The following ZNF536 variants were observed in gnomAD, a reference collection of about 807,000 sequenced individuals.
ZNF536 encodes the protein zinc finger protein 536.
Under a neutral mutation model 84.5 loss-of-function variants are expected in ZNF536, and 13 were observed. The ratio of observed to expected loss-of-function variants is 0.15; its 90% CI spans 0.10 to 0.24. The LOEUF is 0.24. Among genes scored for constraint, ZNF536 ranks in the 10% least tolerant of loss-of-function variants. ZNF536 has a pLI of 1.00. For missense variants in ZNF536, 1,536 were observed against 1,747.5 expected (o/e 0.88, Z 2.16); for synonymous variants, 811 against 742.5 (o/e 1.09, Z -1.50).
intron 2 of ZNF536, among the ~76,000 whole-genome samples, chr19:30,496,361 A>C (rs1161916295): frequency 6.6e-6 from 1 of 152,138 alleles, no homozygotes; most frequent in Admixed American, 6.5e-5. Flanking sequence ...CTCCACAAGC[A>C]GACATTGTCA....
intron 1 of ZNF536, among the ~76,000 whole-genome samples, chr19:30,599,786 A>G (rs2047616652): frequency 6.6e-6 from 1 of 152,208 alleles, no homozygotes. Context: ...ACATTTGTCT[A>G]GGTTTTCCCT....
At chr19:30,310,930 C>T (rs539665834) in intron 2 of ZNF536, among the ~76,000 whole-genome samples, 3 of 152,338 alleles carry the variant, frequency 2.0e-5, no homozygotes, top group Non-Finnish European at 4.4e-5. Flanking sequence ...CTGATGTGAG[C>T]CCTCCTGGGC....
intron 3 of ZNF536, among the ~76,000 whole-genome samples, chr19:30,359,850 C>A (rs895378978): frequency 1.3e-5 from 2 of 152,202 alleles, no homozygotes; most frequent in Non-Finnish European, 2.9e-5. Context: ...TTTCTCTGGG[C>A]TGCAACTGGA....
At position 30,703,679 on chromosome 19, in the gene ZNF536, G is replaced by A. The variant is rs910697881; in HGVS notation, c.170-7078G>A. Among the ~76,000 whole-genome samples, 13 of 152,286 alleles carry A rather than the reference G, an allele frequency of 8.5e-5. 1 individual carries two copies. In the South Asian group the frequency reaches 1.0e-3, roughly 12 times the overall value. On this transcript the variant is annotated intron_variant, in intron 1 of 1. Coordinates refer to the ZNF536 transcript ENST00000592773. ...CACTTGCTAAGTCAGTACTTTCGATGAAGAACCAGGCAGAGCTTCCCCTGA... is the reference window on the plus strand; with the variant it reads ...CACTTGCTAAGTCAGTACTTTCGATAAAGAACCAGGCAGAGCTTCCCCTGA...
intron 1 of ZNF536, among the ~76,000 whole-genome samples, chr19:30,241,844 C>T (rs954504709): frequency 1.3e-5 from 2 of 152,188 alleles, no homozygotes; most frequent in Non-Finnish European, 2.9e-5. Context: ...GAACTGAGGG[C>T]TGTGGGGACA....
At chr19:30,611,164 TA>T (rs1324390519) in intron 1 of ZNF536, among the ~76,000 whole-genome samples, 1 of 152,162 alleles carries the variant, frequency 6.6e-6, no homozygotes, top group African/African-American at 2.4e-5. Context: ...GGGGGTAGAA[TA>T]AGTGACCTGT....
chr19:30,443,454 T>C, intron 1 of ZNF536, 107 bp from the exon 2 acceptor site: 2 of 1,417,332 alleles, frequency 1.4e-6, no homozygotes, highest in African/African-American at 1.4e-5. Flanking sequence ...TTAGCATGAT[T>C]ATGTGTAGGT....
chr19:30,344,635 G>A (rs2047681866), intron 2 of ZNF536, among the ~76,000 whole-genome samples: 1 of 151,728 alleles, frequency 6.6e-6, no homozygotes, highest in South Asian at 2.1e-4. Flanking sequence ...AGCCCTCACT[G>A]AGCGAGTCCC....
intron 1 of ZNF536, among the ~76,000 whole-genome samples, chr19:30,653,474 G>A (rs919590225): frequency 2.6e-5 from 4 of 152,210 alleles, no homozygotes; most frequent in Admixed American, 6.5e-5. Context: ...TGACTTGTCC[G>A]ATATTACACT....
intron 1 of ZNF536, among the ~76,000 whole-genome samples, chr19:30,627,307 A>C (rs555226707): frequency 6.6e-6 from 1 of 151,918 alleles, no homozygotes. Context: ...CTCTACAAAA[A>C]AAAATAAGAA....
At position 30,536,548 on chromosome 19, in the gene ZNF536, G is replaced by A. The variant is rs117508525; in HGVS notation, c.2323+1549G>A. ...TTGCTGTCATTTCTATAACCCCAGGGTCTGCAAGGGCACTTTACACCCAGT... is the reference window on the plus strand; with the variant it reads ...TTGCTGTCATTTCTATAACCCCAGGATCTGCAAGGGCACTTTACACCCAGT... On this transcript the variant is annotated intron_variant, in intron 3 of 4. Transcript: ENST00000355537. Among the ~76,000 whole-genome samples, 891 of 152,300 alleles carry A rather than the reference G, an allele frequency of 5.9e-3. 9 individuals carry two copies. Among genetic ancestry groups the A allele is most frequent in the Non-Finnish European group, 7.6e-3 (518 of 68,028 alleles).
At chr19:30,423,746 C>G (rs2051084371) in intron 1 of ZNF536, among the ~76,000 whole-genome samples, 1 of 152,164 alleles carries the variant, frequency 6.6e-6, no homozygotes, top group Non-Finnish European at 1.5e-5. Context: ...GGCAGGGCTC[C>G]CTCCCGGGGG....
chr19:30,493,445 T>C (rs561605560), intron 2 of ZNF536, among the ~76,000 whole-genome samples: 1 of 152,244 alleles, frequency 6.6e-6, no homozygotes, highest in Admixed American at 6.5e-5. Context: ...ATTTACTTTT[T>C]GTTGTTTTAC....
chr19:30,323,033 A>G (rs2046908824), intron 2 of ZNF536, among the ~76,000 whole-genome samples: 1 of 152,186 alleles, frequency 6.6e-6, no homozygotes, highest in African/African-American at 2.4e-5. Context: ...AAGCAAAGCC[A>G]AGACCCTGGG....
At chr19:30,616,406 T>C (rs2048295877) in intron 1 of ZNF536, among the ~76,000 whole-genome samples, 1 of 152,228 alleles carries the variant, frequency 6.6e-6, no homozygotes. Context: ...ATGGAATTTG[T>C]GGAGATGATC....
chr19:30,264,594 T>C (rs912950827), intron 1 of ZNF536, among the ~76,000 whole-genome samples: 1 of 152,178 alleles, frequency 6.6e-6, no homozygotes, highest in East Asian at 1.9e-4. Flanking sequence ...GCGATTAATT[T>C]TTTTTTGAAG....
intron 1 of ZNF536, among the ~76,000 whole-genome samples, chr19:30,274,787 G>A (rs182722987): frequency 6.6e-6 from 1 of 152,300 alleles, no homozygotes; most frequent in African/African-American, 2.4e-5. Context: ...ACAGCAAGCA[G>A]CATTACCTCT....
intron 1 of ZNF536, among the ~76,000 whole-genome samples, chr19:30,614,077 A>T (rs1600016886): frequency 6.6e-6 from 1 of 152,104 alleles, no homozygotes; most frequent in Non-Finnish European, 1.5e-5. Context: ...TGGCCAGGCT[A>T]GTCTCGAACT....
downstream of ZNF536, among the ~76,000 whole-genome samples, chr19:30,562,373 A>C (rs540728347): frequency 6.6e-6 from 1 of 152,304 alleles, no homozygotes; most frequent in African/African-American, 2.4e-5. Flanking sequence ...GGGCATATGA[A>C]ACTTGCCTTA....
Sources: gnomAD v4.1 joint callset for allele counts (sites outside exome capture counted in the v4.1 genomes callset) on GRCh38, gnomAD v4.1.1 for gene constraint, MANE v1.5 for transcripts, NCBI Gene and HGNC (gene_info 2026-07-23, HGNC 2026-07-21) for gene names.